MMS19: variants seen among roughly 807,000 people sequenced by gnomAD.
The protein encoded by MMS19 is MMS19 cytosolic iron-sulfur assembly component.
Under a neutral mutation model 129.8 loss-of-function variants are expected in MMS19, and 77 were observed. That is an observed-to-expected ratio of 0.59 (90% CI 0.49 to 0.72). MMS19 has a LOEUF of 0.72. MMS19 is among the 30% of genes least tolerant of loss of function. MMS19 has a pLI of 0.00. For missense variants in MMS19, 1,168 were observed against 1,266.3 expected (o/e 0.92, Z 1.18); for synonymous variants, 491 against 502.8 (o/e 0.98, Z 0.31).
In MMS19 at chr10:97,463,876, C is replaced by G. The variant is rs745623942; in HGVS notation, c.1894G>C (p.Val632Leu). 2 of 1,611,532 alleles carry G rather than the reference C, an allele frequency of 1.2e-6. No homozygotes were observed. The highest frequency in any genetic ancestry group is 1.7e-6 in the Non-Finnish European group (2 of 1,178,946). ...TAIPCLLALA[V>L]QASMPEKEPS... ...AAGTTACCTGGCATAGAGGCCTGCA[C>G]AGCCAAGGCAAGCAGGCAAGGTATA... is the stretch of plus-strand genomic sequence containing the variant. Residue 632 changes from valine (V) to leucine (L), a missense_variant, in exon 19 of 31, where the codon GTG becomes CTG. Physicochemically the swap from Val to Leu is conservative, Grantham distance 32. Around this residue, in one of 3 missense-constraint regions of MMS19, gnomAD observed 831 missense variants for 910.8 expected, o/e 0.91. Coordinates refer to ENST00000438925, the MANE Select transcript of MMS19 (RefSeq NM_022362.5).
chr10:97,485,593 G>A (rs996290049), intron 1 of MMS19, among the ~76,000 whole-genome samples: 2 of 151,976 alleles, frequency 1.3e-5, no homozygotes, highest in Non-Finnish European at 2.9e-5. Context: ...TTACAGGCAT[G>A]AGCCACTGCA....
At position 97,468,295 on chromosome 10, in the gene MMS19, T is replaced by C. The variant is rs756719334; in HGVS notation, c.1175A>G (p.Asn392Ser). The change falls in exon 13 of 31, where the codon AAT becomes AGT. Residue 392 changes from asparagine (N) to serine (S), a missense_variant. Transcript: ENST00000438925. Reference protein sequence around the residue: ...SARACDSVTSNVLPLLLEQFH... With the variant: ...SARACDSVTSSVLPLLLEQFH... ...CTGTTCCAGCAGTAAAGGCAGTACA[T>C]TGCTGGTGACAGAGTCACAGGCCCG... 115 of 1,610,830 alleles carry C rather than the reference T, an allele frequency of 7.1e-5. No individual in the cohort carries two copies. The Middle Eastern group carries it at 9.9e-4, about 14-fold the overall frequency.
intron 1 of MMS19, among the ~76,000 whole-genome samples, chr10:97,496,974 A>G (rs1487158368): frequency 2.0e-5 from 3 of 152,242 alleles, no homozygotes; most frequent in African/African-American, 7.2e-5. Flanking sequence ...ACTTGGCTGG[A>G]TATTCGAAAA....
At chr10:97,477,831 AC>A in intron 5 of MMS19, 23 bp downstream of exon 5, 2 of 1,551,420 alleles carry the variant, frequency 1.3e-6, no homozygotes, top group Admixed American at 2.0e-5. Flanking sequence ...AGAGGAGAAT[AC>A]CAACATGACT....
At position 97,470,870 on chromosome 10, in the gene MMS19, G is replaced by C; in HGVS notation, c.685-9C>G. On this transcript the variant is annotated splice_polypyrimidine_tract_variant and intron_variant, in intron 8 of 30. Transcript: ENST00000438925. ...TGGGGATCATTAGGTGGCTGGAAAA[G>C]GGAGAAGGGCTGTGGGTTTGTGTAA... 1 of 1,611,164 alleles carries C rather than the reference G, an allele frequency of 6.2e-7. No individual in the cohort carries two copies. The highest frequency in any genetic ancestry group is 8.5e-7 in the Non-Finnish European group (1 of 1,179,268).
At chr10:97,466,398 G>A (rs2033495351) in intron 16 of MMS19, 106 bp downstream of exon 16, 4 of 952,166 alleles carry the variant, frequency 4.2e-6, no homozygotes, top group African/African-American at 3.2e-5. Context: ...CTCCCCTAAG[G>A]AGAGCCAAGG....
chr10:97,495,184 C>T (rs545935694), intron 1 of MMS19, among the ~76,000 whole-genome samples: 2 of 152,056 alleles, frequency 1.3e-5, no homozygotes, highest in South Asian at 2.1e-4. Flanking sequence ...CAGGGAACTA[C>T]GAATAAAGGT....
intron 1 of MMS19, among the ~76,000 whole-genome samples, chr10:97,489,876 A>G (rs1472947773): frequency 6.6e-6 from 1 of 152,230 alleles, no homozygotes; most frequent in African/African-American, 2.4e-5. Flanking sequence ...AACATATCAT[A>G]TCAGGGATAT....
intron 3 of MMS19, among the ~76,000 whole-genome samples, chr10:97,479,112 C>A (rs1018879839): frequency 6.6e-6 from 1 of 152,124 alleles, no homozygotes; most frequent in Non-Finnish European, 1.5e-5. Flanking sequence ...TGCCTCTATA[C>A]AGGGAAGATT....
chr10:97,462,914 G>A (rs1344537880), intron 19 of MMS19: 2 of 445,990 alleles, frequency 4.5e-6, no homozygotes, highest in East Asian at 3.5e-5. Context: ...CTTTAGACTA[G>A]GCCAACAGTG....
At chr10:97,481,568 G>A (rs1224380867) in intron 2 of MMS19, among the ~76,000 whole-genome samples, 1 of 152,086 alleles carries the variant, frequency 6.6e-6, no homozygotes, top group African/African-American at 2.4e-5. Context: ...TAACTGGAAG[G>A]TTACAAAGTA....
At chr10:97,498,631 C>G (rs1257886724), upstream of MMS19, 6 of 477,564 alleles carry the variant, frequency 1.3e-5, no homozygotes, top group Admixed American at 8.0e-5. Flanking sequence ...ATTCCCAGCC[C>G]GGCTCCCCGG....
chr10:97,498,200 C>G lies in MMS19; in HGVS notation c.112+73G>C, dbSNP rs2040157093. ...AAGTCACCCCGCTCCTCCCTTCCCG[C>G]CCGGCGCCTGTACTGAGGCCGCTCC... is the stretch of plus-strand genomic sequence containing the variant. On this transcript the variant is annotated intron_variant, in intron 1 of 30. Coordinates refer to ENST00000438925, the MANE Select transcript of MMS19 (RefSeq NM_022362.5). 5.0e-6 allele frequency: 7 copies of G among 1,393,190 alleles called. No individual in the cohort carries two copies. In the South Asian group the frequency reaches 9.2e-5, roughly 18 times the overall value. The allele number at this position is 1,393,190 out of a possible 1,614,324, so 86.3% of individuals were successfully genotyped here.
intron 8 of MMS19, among the ~76,000 whole-genome samples, chr10:97,472,260 A>G (rs544163784): frequency 6.6e-6 from 1 of 152,348 alleles, no homozygotes; most frequent in African/African-American, 2.4e-5. Context: ...TTTATTTGAG[A>G]TGGAGTTTTG....
chr10:97,464,691 AT>A (rs756050923), intron 18 of MMS19, among the ~76,000 whole-genome samples: 723 of 138,488 alleles, frequency 5.2e-3, no homozygotes, highest in Admixed American at 5.3e-3. Flanking sequence ...TACCTAGGTA[AT>A]TTTTTTTTTT....
intron 9 of MMS19, among the ~76,000 whole-genome samples, 196 bp from the exon 10 acceptor site, chr10:97,470,399 T>G (rs970793623): frequency 2.0e-5 from 3 of 152,212 alleles, no homozygotes; most frequent in East Asian, 3.8e-4. Context: ...AACAGGCAAG[T>G]TGACAAAGTT....
At chr10:97,493,757 G>A (rs1379514803) in intron 1 of MMS19, among the ~76,000 whole-genome samples, 1 of 152,212 alleles carries the variant, frequency 6.6e-6, no homozygotes, top group Non-Finnish European at 1.5e-5. Flanking sequence ...GTTCACACCT[G>A]TAATCTCAGC....
upstream of MMS19, chr10:97,498,639 C>A (rs377734396): frequency 4.7e-6 from 2 of 427,514 alleles, no homozygotes; most frequent in South Asian, 2.8e-5. Context: ...CCCGGCTCCC[C>A]GGGAGACGGG....
At chr10:97,484,033 T>G (rs1000199230) in intron 2 of MMS19, 70 bp downstream of exon 2, 1 of 992,922 alleles carries the variant, frequency 1.0e-6, no homozygotes. Flanking sequence ...AAAGCAGCAA[T>G]GCGCAAAAGT....
Sources: allele counts gnomAD v4.1 joint callset (sites outside exome capture counted in the v4.1 genomes callset), GRCh38; gene constraint gnomAD v4.1.1; regional missense constraint gnomAD v4.1.1; transcripts MANE v1.5; gene names NCBI Gene and HGNC (gene_info 2026-07-23, HGNC 2026-07-21).